The following AZIN1 variants were observed in gnomAD, a reference collection of about 807,000 sequenced individuals.
AZIN1 encodes ornithine decarboxylase antizyme inhibitor.
AZIN1 carries 12 observed loss-of-function variants against 47.4 expected under a neutral mutation model. The observed-to-expected ratio is 0.25, with a 90% CI of 0.16 to 0.41. AZIN1 has a LOEUF of 0.41. Ranked by LOEUF, AZIN1 falls within the 10% of genes least tolerant of loss-of-function variation. The pLI, the probability that AZIN1 is intolerant of heterozygous loss-of-function variation, is 1.00. For synonymous variants in AZIN1, 155 were observed against 176.3 expected (o/e 0.88, Z 0.96); for missense variants, 410 against 532.4 (o/e 0.77, Z 2.26).
chr8:102,838,722 A>G, intron 5 of AZIN1, 22 bp downstream of exon 5: 1 of 1,589,706 alleles, frequency 6.3e-7, no homozygotes, highest in Non-Finnish European at 8.6e-7. Context: ...TAATATTTTC[A>G]AGTACTTAAT....
chr8:102,844,127 A>T (rs1812400938), intron 2 of AZIN1, among the ~76,000 whole-genome samples: 1 of 152,236 alleles, frequency 6.6e-6, no homozygotes, highest in Admixed American at 6.5e-5. Context: ...ATCTGCATCC[A>T]AGAAATCAAA....
intron 2 of AZIN1, among the ~76,000 whole-genome samples, chr8:102,852,660 G>C (rs927214837): frequency 6.6e-6 from 1 of 152,200 alleles, no homozygotes; most frequent in Non-Finnish European, 1.5e-5. Context: ...CATGATGGCT[G>C]GCTATGGCCT....
At chr8:102,834,081 G>T in intron 8 of AZIN1, 108 bp downstream of exon 8, 1 of 834,082 alleles carries the variant, frequency 1.2e-6, no homozygotes. Context: ...TTAAAGAGAT[G>T]TTATAGGGTT....
At chr8:102,862,829 C>T (rs543932191) in intron 1 of AZIN1, among the ~76,000 whole-genome samples, 14 of 152,266 alleles carry the variant, frequency 9.2e-5, no homozygotes, top group Admixed American at 5.2e-4. Context: ...AAACTGTGTC[C>T]CCGACTGTTT....
Position 102,843,733 on chromosome 8 carries a change from A to G in AZIN1, c.-81T>C. 1 of 1,572,424 alleles carries G rather than the reference A, an allele frequency of 6.4e-7. No individual in the cohort carries two copies. The highest frequency in any genetic ancestry group is 8.6e-7 in the Non-Finnish European group (1 of 1,163,334). ...CCACCAAGCCTATGTCTGGGTCCTT[A>G]GAATATGCAACAAACTGTCAAAATA... On this transcript the variant is annotated 5_prime_UTR_variant, in exon 3 of 12. The change abolishes the stop of an existing upstream ORF in the 5' untranslated region. Coordinates refer to ENST00000337198, the MANE Select transcript of AZIN1 (RefSeq NM_148174.4).
rs150657899 is a variant in AZIN1, at chr8:102,829,185, T to C, written c.1235+87A>G. 708 of 1,164,174 alleles carry C rather than the reference T, an allele frequency of 6.1e-4. 2 individuals carry two copies. The African/African-American group carries it at 9.6e-3, about 16-fold the overall frequency. 72.1% of individuals were successfully genotyped at this position (1,164,174 alleles called of 1,614,324 possible). ...CAATACATGACTGTACTTCTAAGTT[T>C]AGCATTCATTACAGAATTAAAACTT... On this transcript the variant is annotated intron_variant, in intron 11 of 11. Coordinates refer to ENST00000337198, the MANE Select transcript of AZIN1 (RefSeq NM_148174.4).
rs952538273 is a variant in AZIN1, at chr8:102,827,329, C to T, written c.*1238G>A. The T allele has an allele frequency of 1.3e-5, 2 of 152,126 alleles. No homozygotes were observed. Among genetic ancestry groups the T allele is most frequent in the African/African-American group, 4.8e-5 (2 of 41,432 alleles). 9.4% of individuals were successfully genotyped at this position (152,126 alleles called of 1,614,324 possible). A position where few individuals can be genotyped will look rare whatever the true frequency, so the allele number is the denominator to read the frequency against. The stretch of plus-strand genomic sequence containing the variant: ...GTTAGTGATGCTAACTCCCTTCCCC[C>T]AACCACCATAAAATTTTAGTAAGAA... On this transcript the variant is annotated 3_prime_UTR_variant, in exon 12 of 12. Transcript: ENST00000337198.
At chr8:102,853,932 C>T (rs73280743) in intron 2 of AZIN1, among the ~76,000 whole-genome samples, 9,309 of 152,088 alleles carry the variant, frequency 0.061, 971 homozygotes, top group African/African-American at 0.21. Flanking sequence ...CCTTTCTCTG[C>T]AGTCAGGGTC....
chr8:102,838,949 A>G (rs1811999897), intron 4 of AZIN1, 33 bp from the exon 5 acceptor site: 1 of 1,577,394 alleles, frequency 6.3e-7, no homozygotes, highest in South Asian at 1.1e-5. Flanking sequence ...AGAATACATA[A>G]TGTCACAGTT....
At chr8:102,835,218 A>G (rs1203467286) in intron 6 of AZIN1, 1 of 154,950 alleles carries the variant, frequency 6.5e-6, no homozygotes, top group Non-Finnish European at 1.4e-5. Flanking sequence ...ATTATTCACT[A>G]GTATTACTAG....
At chr8:102,846,010 G>A (rs985024320) in intron 2 of AZIN1, among the ~76,000 whole-genome samples, 1 of 152,116 alleles carries the variant, frequency 6.6e-6, no homozygotes, top group Non-Finnish European at 1.5e-5. Context: ...GTTCAATGAG[G>A]ACTTAATTGT....
intron 11 of AZIN1, 112 bp downstream of exon 11, chr8:102,829,160 C>T: frequency 1.1e-6 from 1 of 898,480 alleles, no homozygotes; most frequent in East Asian, 2.4e-5. Flanking sequence ...ACTGTATAGG[C>T]AATACATGAC....
At chr8:102,841,805 TAAA>T (rs1269379100) in intron 3 of AZIN1, among the ~76,000 whole-genome samples, 1 of 114,440 alleles carries the variant, frequency 8.7e-6, no homozygotes, top group Non-Finnish European at 1.8e-5. Context: ...TATATATATA[TAAA>T]AAAAAAAAAA....
chr8:102,839,836 T>TAA lies in AZIN1; in HGVS notation c.103-15_103-14dup. 25 of 1,527,710 alleles carry TAA rather than the reference T, an allele frequency of 1.6e-5. No individual in the cohort carries two copies. The highest frequency in any genetic ancestry group is 8.8e-5 in the South Asian group (7 of 79,456). 94.6% of individuals were successfully genotyped at this position (1,527,710 alleles called of 1,614,324 possible). Reference sequence around the variant, plus strand: ...CATTTTTCCCTGTCTATTATGGTTATAAAAAAAAAGACAAATATGAACAAA... The same window carrying TAA: ...CATTTTTCCCTGTCTATTATGGTTATAAAAAAAAAAAGACAAATATGAACAAA... On this transcript the variant is annotated splice_polypyrimidine_tract_variant and intron_variant, in intron 3 of 11. Coordinates refer to ENST00000337198, the MANE Select transcript of AZIN1 (RefSeq NM_148174.4).
At chr8:102,856,582 G>A (rs1586206408) in intron 2 of AZIN1, among the ~76,000 whole-genome samples, 3 of 152,284 alleles carry the variant, frequency 2.0e-5, no homozygotes, top group Admixed American at 6.5e-5. Flanking sequence ...CAAGAGACAC[G>A]AATTAAAAGA....
chr8:102,854,079 C>T (rs1458938443), intron 2 of AZIN1, among the ~76,000 whole-genome samples: 1 of 151,848 alleles, frequency 6.6e-6, no homozygotes, highest in East Asian at 2.0e-4. Context: ...GGATTACATG[C>T]GTGCACCACC....
At position 102,828,529 on chromosome 8, in the gene AZIN1, A is replaced by G. The variant is rs1811228758; in HGVS notation, c.*38T>C. ...CTGGAATGTTGACCAGACAAGCTTA[A>G]CCTGCAACTTCAGATCTAAAGAAGC... On this transcript the variant is annotated 3_prime_UTR_variant, in exon 12 of 12. Coordinates refer to ENST00000337198, the MANE Select transcript of AZIN1 (RefSeq NM_148174.4). The G allele has an allele frequency of 2.2e-6, 3 of 1,372,248 alleles. No homozygotes were observed. Among genetic ancestry groups the G allele is most frequent in the Non-Finnish European group, 3.1e-6 (3 of 974,774 alleles). The allele number at this position is 1,372,248 out of a possible 1,614,324, so 85.0% of individuals were successfully genotyped here.
At chr8:102,841,567 G>C (rs1307661211) in intron 3 of AZIN1, among the ~76,000 whole-genome samples, 1 of 152,148 alleles carries the variant, frequency 6.6e-6, no homozygotes, top group South Asian at 2.1e-4. Context: ...CAAGTTTCAT[G>C]ACCAATATGT....
In AZIN1 at chr8:102,827,635, G is replaced by A. The variant is rs1289350066; in HGVS notation, c.*932C>T. Reference sequence around the variant, plus strand: ...CCAAGTTTATTCAAAGTATTTAACAGAATCTTCCATTTCAGCCAAAAGATT... The same window carrying A: ...CCAAGTTTATTCAAAGTATTTAACAAAATCTTCCATTTCAGCCAAAAGATT... On this transcript the variant is annotated 3_prime_UTR_variant, in exon 12 of 12. Coordinates refer to ENST00000337198, the MANE Select transcript of AZIN1 (RefSeq NM_148174.4). 1 of 152,426 alleles carries A rather than the reference G, an allele frequency of 6.6e-6. No individual in the cohort carries two copies. Among genetic ancestry groups the A allele is most frequent in the Non-Finnish European group, 1.5e-5 (1 of 67,996 alleles). 9.4% of individuals were successfully genotyped at this position (152,426 alleles called of 1,614,324 possible). A position where few individuals can be genotyped will look rare whatever the true frequency, so the allele number is the denominator to read the frequency against.
Sources: allele counts gnomAD v4.1 joint callset (sites outside exome capture counted in the v4.1 genomes callset), GRCh38; gene constraint gnomAD v4.1.1; transcripts MANE v1.5; gene names NCBI Gene and HGNC (gene_info 2026-07-23, HGNC 2026-07-21).